VEZT: variants seen among roughly 807,000 people sequenced by gnomAD.
The protein encoded by VEZT is vezatin, adherens junctions transmembrane protein.
A neutral mutation model predicts 79.9 loss-of-function variants in VEZT; 39 were observed. That is an observed-to-expected ratio of 0.49 (90% CI 0.38 to 0.64). VEZT has a LOEUF of 0.64. Ranked by LOEUF, VEZT falls within the 30% of genes least tolerant of loss-of-function variation. The probability of loss-of-function intolerance (pLI) is 0.00; values close to 1 mark genes in which losing one functional copy is unlikely to be tolerated. For missense variants in VEZT, 837 were observed against 893.1 expected (o/e 0.94, Z 0.80); for synonymous variants, 325 against 327.6 (o/e 0.99, Z 0.09).
At chr12:95,281,621 C>T (rs887415451) in intron 7 of VEZT, among the ~76,000 whole-genome samples, 1 of 151,410 alleles carries the variant, frequency 6.6e-6, no homozygotes, top group Non-Finnish European at 1.5e-5. Flanking sequence ...TCTCAGCTCA[C>T]TGTAACGTCT....
intron 9 of VEZT, 49 bp from the exon 10 acceptor site, chr12:95,294,223 G>A (rs767459619): frequency 2.1e-6 from 3 of 1,459,482 alleles, no homozygotes; most frequent in South Asian, 2.4e-5. Context: ...ACTCATTTCT[G>A]TGTGGTCTGT....
intron 3 of VEZT, among the ~76,000 whole-genome samples, chr12:95,257,933 T>A (rs1378366499): frequency 6.6e-6 from 1 of 152,220 alleles, no homozygotes; most frequent in African/African-American, 2.4e-5. Flanking sequence ...TCTGCTTCAG[T>A]AACGAGAAAA....
chr12:95,282,212 G>A (rs1038804928), intron 7 of VEZT, 101 bp from the exon 8 acceptor site: 12 of 1,069,360 alleles, frequency 1.1e-5, no homozygotes, highest in Non-Finnish European at 1.6e-5. Flanking sequence ...AGGATAAAGT[G>A]CAAAATTTAA....
At chr12:95,263,126 G>A in intron 4 of VEZT, 45 bp downstream of exon 4, 3 of 1,450,400 alleles carry the variant, frequency 2.1e-6, no homozygotes, top group South Asian at 1.5e-5. Context: ...TACATACAGA[G>A]TATTAGCAGA....
intron 1 of VEZT, chr12:95,245,615 C>T (rs2061614678): frequency 2.2e-6 from 1 of 455,804 alleles, no homozygotes; most frequent in Non-Finnish European, 4.4e-6. Context: ...TTCTCTGGCC[C>T]AAGACCTGAA....
At chr12:95,281,151 C>T (rs1362695362) in intron 7 of VEZT, among the ~76,000 whole-genome samples, 1 of 152,044 alleles carries the variant, frequency 6.6e-6, no homozygotes, top group Non-Finnish European at 1.5e-5. Flanking sequence ...GCATTTGTTT[C>T]GGAGATATTG....
At chr12:95,291,285 G>T (rs962765947) in intron 9 of VEZT, among the ~76,000 whole-genome samples, 1 of 152,040 alleles carries the variant, frequency 6.6e-6, no homozygotes, top group African/African-American at 2.4e-5. Flanking sequence ...ATTTTAAAAC[G>T]CTTCATATTT....
intron 11 of VEZT, chr12:95,297,086 T>C (rs1294592905): frequency 6.6e-6 from 1 of 152,308 alleles, no homozygotes; most frequent in African/African-American, 2.4e-5. Flanking sequence ...GTACTCCCCA[T>C]ACTCTGATTT....
chr12:95,286,377 C>T (rs1467226506), intron 8 of VEZT: 11 of 494,598 alleles, frequency 2.2e-5, no homozygotes, highest in African/African-American at 1.6e-4. Context: ...GAGGATACTT[C>T]ATATTTGCCT....
At chr12:95,278,913 A>T (rs1277789609) in intron 7 of VEZT, among the ~76,000 whole-genome samples, 1 of 152,184 alleles carries the variant, frequency 6.6e-6, no homozygotes, top group Non-Finnish European at 1.5e-5. Context: ...TACTAAAAAT[A>T]CAAAAAATTA....
chr12:95,243,238 G>A (rs1288319311), intron 1 of VEZT, among the ~76,000 whole-genome samples: 1 of 151,882 alleles, frequency 6.6e-6, no homozygotes, highest in Admixed American at 6.6e-5. Context: ...AGCTGAGGGT[G>A]GTGGTGCATG....
At chr12:95,257,317 T>G (rs3751272) in intron 3 of VEZT, 78 bp downstream of exon 3, 273,465 of 1,186,934 alleles carry the variant, frequency 0.23, 34,533 homozygotes, top group African/African-American at 0.46. Context: ...GAATTTGTTT[T>G]GCTATCAATT....
At chr12:95,294,546 C>T (rs535001060) in intron 10 of VEZT, among the ~76,000 whole-genome samples, 174 bp downstream of exon 10, 2 of 152,058 alleles carry the variant, frequency 1.3e-5, no homozygotes, top group Non-Finnish European at 2.9e-5. Context: ...ATCTAATTGT[C>T]TATATCTGAG....
intron 2 of VEZT, 75 bp from the exon 3 acceptor site, chr12:95,257,075 G>A: frequency 8.6e-7 from 1 of 1,164,578 alleles, no homozygotes; most frequent in Non-Finnish European, 1.2e-6. Flanking sequence ...TTGATTGGAG[G>A]TAAGTACTTT....
At chr12:95,294,824 T>A (rs911128558) in intron 10 of VEZT, among the ~76,000 whole-genome samples, 1 of 151,932 alleles carries the variant, frequency 6.6e-6, no homozygotes, top group Non-Finnish European at 1.5e-5. Context: ...CTATTCAGTA[T>A]TTTTTTTCCG....
chr12:95,262,333 A>G (rs919259362), intron 3 of VEZT: 4 of 152,360 alleles, frequency 2.6e-5, no homozygotes, highest in African/African-American at 9.6e-5. Flanking sequence ...CTTATAGAAG[A>G]TATTCCTTGA....
At chr12:95,251,652 CTATT>C (rs1454059968) in intron 1 of VEZT, among the ~76,000 whole-genome samples, 2 of 152,018 alleles carry the variant, frequency 1.3e-5, no homozygotes, top group East Asian at 3.9e-4. Context: ...GCTTAACAAT[CTATT>C]TATATTCCTA....
intron 2 of VEZT, among the ~76,000 whole-genome samples, chr12:95,253,747 TA>T (rs946969164): frequency 3.9e-5 from 6 of 152,204 alleles, no homozygotes; most frequent in Non-Finnish European, 8.8e-5. Flanking sequence ...AGTGAGAGTT[TA>T]AAATTGAATC....
At chr12:95,257,650 C>T (rs540768222) in intron 3 of VEZT, among the ~76,000 whole-genome samples, 25 of 152,274 alleles carry the variant, frequency 1.6e-4, no homozygotes, top group African/African-American at 5.3e-4. Context: ...TTTTTCTACT[C>T]TCTGCTGTAA....
Sources: allele counts gnomAD v4.1 joint callset (sites outside exome capture counted in the v4.1 genomes callset), GRCh38; gene constraint gnomAD v4.1.1; transcripts MANE v1.5; gene names NCBI Gene and HGNC (gene_info 2026-07-23, HGNC 2026-07-21).